Variants in TMEM132C observed in about 807,000 individuals in gnomAD.
TMEM132C encodes protein phosphatase 1, regulatory subunit 152.
A neutral mutation model predicts 61.4 loss-of-function variants in TMEM132C; 29 were observed. That is an observed-to-expected ratio of 0.47 (90% CI 0.35 to 0.64). The LOEUF (loss-of-function observed/expected upper bound fraction) is 0.64, where lower values mean the gene tolerates loss of function less well. Among genes scored for constraint, TMEM132C ranks in the 30% least tolerant of loss-of-function variants. The pLI is 0.00. For missense variants in TMEM132C, 1,408 were observed against 1,476.9 expected, an observed-to-expected ratio of 0.95 and a Z score of 0.76; for synonymous variants, 656 against 633.1, an observed-to-expected ratio of 1.04 and a Z score of -0.54.
At chr12:128,381,461 C>G (rs1168322511) in intron 1 of TMEM132C, among the ~76,000 whole-genome samples, 4 of 152,192 alleles carry the variant, frequency 2.6e-5, no homozygotes, top group Non-Finnish European at 5.9e-5. Context: ...AAGCGGCTTT[C>G]TAGAATCGAA....
At chr12:128,361,442 G>T (rs1014365613) in intron 1 of TMEM132C, among the ~76,000 whole-genome samples, 7 of 152,120 alleles carry the variant, frequency 4.6e-5, no homozygotes, top group African/African-American at 1.7e-4. Context: ...AGAAGTGCCT[G>T]CCTGACCCTT....
intron 8 of TMEM132C, among the ~76,000 whole-genome samples, chr12:128,704,101 G>A (rs190846311): frequency 6.6e-6 from 1 of 152,202 alleles, no homozygotes; most frequent in East Asian, 1.9e-4. Context: ...CATAGGCATG[G>A]GTGTGAGTGG....
At chr12:128,385,329 G>T (rs78798907) in intron 1 of TMEM132C, among the ~76,000 whole-genome samples, 293 of 93,236 alleles carry the variant, frequency 3.1e-3, no homozygotes, top group African/African-American at 7.0e-3. Context: ...TCATTGTAAA[G>T]ATTTAAGACA....
chr12:128,633,504 T>G (rs1280787634), intron 4 of TMEM132C, among the ~76,000 whole-genome samples: 1 of 152,210 alleles, frequency 6.6e-6, no homozygotes, highest in African/African-American at 2.4e-5. Flanking sequence ...ATCTTGAGTT[T>G]CAAAAACTTT....
intron 2 of TMEM132C, among the ~76,000 whole-genome samples, chr12:128,462,961 G>C (rs1870592956): frequency 6.6e-6 from 1 of 152,164 alleles, no homozygotes; most frequent in Non-Finnish European, 1.5e-5. Context: ...GAACAGCCCA[G>C]CCACATCCAG....
intron 3 of TMEM132C, among the ~76,000 whole-genome samples, chr12:128,602,302 G>A (rs1876224099): frequency 6.6e-6 from 1 of 152,232 alleles, no homozygotes; most frequent in African/African-American, 2.4e-5. Flanking sequence ...AACAATCTGT[G>A]CAGCCCTATT....
At chr12:128,534,041 A>T (rs1447790077) in intron 2 of TMEM132C, among the ~76,000 whole-genome samples, 1 of 151,984 alleles carries the variant, frequency 6.6e-6, no homozygotes. Flanking sequence ...TAAGGAGAGA[A>T]TTTCATAAGA....
chr12:128,586,196 A>T (rs192629809), intron 3 of TMEM132C, among the ~76,000 whole-genome samples: 3,771 of 151,624 alleles, frequency 0.025, 164 homozygotes, highest in African/African-American at 0.086. Context: ...ATTTTTGCAT[A>T]ATTTTTGTTA....
intron 1 of TMEM132C, among the ~76,000 whole-genome samples, chr12:128,354,410 C>A (rs918729951): frequency 2.0e-5 from 3 of 150,882 alleles, no homozygotes; most frequent in African/African-American, 7.3e-5. Context: ...TTTTCTTCTT[C>A]CCTTCTTTAA....
intron 1 of TMEM132C, among the ~76,000 whole-genome samples, chr12:128,312,433 G>C (rs1307547629): frequency 6.6e-6 from 1 of 152,096 alleles, no homozygotes; most frequent in Admixed American, 6.5e-5. Flanking sequence ...AGCCTCCTGT[G>C]TAGCTGGGTC....
intron 1 of TMEM132C, among the ~76,000 whole-genome samples, chr12:128,381,000 G>A (rs1248695102): frequency 6.6e-6 from 1 of 152,136 alleles, no homozygotes; most frequent in Non-Finnish European, 1.5e-5. Flanking sequence ...TTGCACTTAG[G>A]AACACTAGAC....
chr12:128,598,088 G>A (rs1228431626), intron 3 of TMEM132C, among the ~76,000 whole-genome samples: 2 of 152,198 alleles, frequency 1.3e-5, no homozygotes, highest in African/African-American at 2.4e-5. Flanking sequence ...AAGATAAAAT[G>A]TTGACCTGGC....
rs57082483 is a variant in TMEM132C at position 128,360,658 on chromosome 12, G to A, written c.86-54074G>A. ...CATCAGGAAGTGCAATAACTTGACC[G>A]TGGTGAATGGTGAAGGGAAAAGTCC... On this transcript the variant is annotated intron_variant, in intron 1 of 8. Transcript: ENST00000435159. 1.2e-3 allele frequency among the ~76,000 whole-genome samples: 190 copies of A among 152,224 alleles called. 5 individuals carry two copies. In the East Asian group the frequency reaches 0.031, roughly 25 times the overall value.
At chr12:128,267,582 C>T (rs1870351809) in intron 1 of TMEM132C, 95 bp downstream of exon 1, 4 of 1,006,910 alleles carry the variant, frequency 4.0e-6, no homozygotes, top group Non-Finnish European at 5.0e-6. Context: ...AGGGGTGCGG[C>T]GGGGGCCTCG....
chr12:128,414,920 C>G lies in TMEM132C; in HGVS notation c.274C>G (p.Pro92Ala). ...ESFFTYKTRQ[P>A]PVLNASYGPF... ...CTTCTTTACCTACAAAACCAGGCAG[C>G]CCCCAGTGCTCAATGCCAGCTATGG... The change falls in exon 2 of 9, where the codon CCC (proline) becomes GCC (alanine). Residue 92 changes from proline (P) to alanine (A), a missense_variant. Physicochemically the swap from Pro to Ala is conservative, Grantham distance 27 (BLOSUM62 -1). Coordinates refer to ENST00000435159, the MANE Select transcript of TMEM132C (RefSeq NM_001136103.3). 3 of 1,551,770 alleles carry G rather than the reference C, an allele frequency of 1.9e-6. No individual in the cohort carries two copies. Among genetic ancestry groups the G allele is most frequent in the South Asian group, 1.2e-5 (1 of 84,064 alleles).
intron 2 of TMEM132C, among the ~76,000 whole-genome samples, chr12:128,429,852 A>G (rs1295092406): frequency 6.6e-6 from 1 of 152,196 alleles, no homozygotes; most frequent in African/African-American, 2.4e-5. Context: ...GTGCCCAGGC[A>G]TGGGACTGGC....
chr12:128,360,604 C>T (rs80290291), intron 1 of TMEM132C, among the ~76,000 whole-genome samples: 20 of 152,234 alleles, frequency 1.3e-4, no homozygotes, highest in East Asian at 7.8e-4. Context: ...CCCATCATTC[C>T]GAGACAGGGG....
At chr12:128,286,263 A>T (rs144932372) in intron 1 of TMEM132C, among the ~76,000 whole-genome samples, 1 of 152,352 alleles carries the variant, frequency 6.6e-6, no homozygotes, top group Non-Finnish European at 1.5e-5. Context: ...TTATACGTGA[A>T]CATTTCAGGA....
At chr12:128,311,229 T>C (rs528829732) in intron 1 of TMEM132C, among the ~76,000 whole-genome samples, 73 of 152,290 alleles carry the variant, frequency 4.8e-4, no homozygotes, top group Admixed American at 7.8e-4. Flanking sequence ...TCTCCAACAC[T>C]CTGACAAGAT....
Sources: gnomAD v4.1 joint callset for allele counts (sites outside exome capture counted in the v4.1 genomes callset) on GRCh38, gnomAD v4.1.1 for gene constraint, MANE v1.5 for transcripts, NCBI Gene and HGNC (gene_info 2026-07-23, HGNC 2026-07-21) for gene names.